The following PCM1 variants were observed in gnomAD, a reference collection of about 807,000 sequenced individuals.
The protein encoded by PCM1 is pericentriolar material 1.
Under a neutral mutation model 241.9 loss-of-function variants are expected in PCM1, and 157 were observed. That is an observed-to-expected ratio of 0.65 (90% CI 0.57 to 0.74). The LOEUF (loss-of-function observed/expected upper bound fraction) is 0.74, where lower values mean the gene tolerates loss of function less well. PCM1 is among the 30% of genes least tolerant of loss of function. The pLI is 0.00. For missense variants in PCM1, 3,478 were observed against 2,360.1 expected (o/e 1.47, Z -9.81); for synonymous variants, 1,085 against 784.9 (o/e 1.38, Z -6.39).
rs2092941969 is a variant in PCM1 at position 18,014,589 on chromosome 8, C to G, written c.5590C>G (p.Gln1864Glu). 1 of 1,596,620 alleles carries G rather than the reference C, an allele frequency of 6.3e-7. No individual in the cohort carries two copies. The highest frequency in any genetic ancestry group is 1.3e-5 in the African/African-American group (1 of 74,392). Reference protein sequence around the residue: ...LEREATSKNDQNNCPVKPCYL... With the variant: ...LEREATSKNDENNCPVKPCYL... ...AGACTTTCTTTTGATGACAGATGAC[C>G]AAAATAACTGTCCTGTGAAACCCTG... The change falls in exon 36 of 39, where the codon CAA becomes GAA. Residue 1864 changes from glutamine (Q) to glutamate (E), a missense_variant. Coordinates refer to ENST00000325083, the MANE Select transcript of PCM1 (RefSeq NM_006197.4).
rs1335934526 is a variant in PCM1 at position 17,957,375 on chromosome 8, C to T, written c.1758C>T (p.Asn586=). The change falls in exon 12 of 39, where the codon AAC becomes AAT. Residue 586 remains asparagine, a synonymous_variant. Coordinates refer to ENST00000325083, the MANE Select transcript of PCM1 (RefSeq NM_006197.4). ...RTVNSNCEIN[N]RSAANIRALN... ...TTAATTCTAATTGTGAAATTAACAA[C>T]AGATCTGCTGCCAACATAAGGGCTC... The T allele has an allele frequency of 2.5e-6, 4 of 1,612,168 alleles. No homozygotes were observed. In the South Asian group the frequency reaches 4.4e-5, roughly 18 times the overall value.
chr8:17,957,216 C>G (rs766779013), intron 11 of PCM1, 48 bp from the exon 12 acceptor site: 2 of 1,474,920 alleles, frequency 1.4e-6, no homozygotes, highest in Admixed American at 2.3e-5. Flanking sequence ...ATTTCTTTCT[C>G]TCTTTTTTTG....
chr8:17,937,196 T>C lies in PCM1; in HGVS notation c.159T>C (p.Gly53=), dbSNP rs776190880. ...RSSEKNKKKF[G]VESDKRVTND... Reference sequence around the variant, plus strand: ...CAGAAAAGAATAAGAAAAAGTTTGGTGTAGAAAGTGATAAAAGAGTAACCA... The same window carrying C: ...CAGAAAAGAATAAGAAAAAGTTTGGCGTAGAAAGTGATAAAAGAGTAACCA... The change falls in exon 4 of 39, where the codon GGT becomes GGC. Residue 53 remains glycine, a synonymous_variant. Coordinates refer to ENST00000325083, the MANE Select transcript of PCM1 (RefSeq NM_006197.4). 1 of 1,597,892 alleles carries C rather than the reference T, an allele frequency of 6.3e-7. No individual in the cohort carries two copies. The highest frequency in any genetic ancestry group is 1.3e-5 in the African/African-American group (1 of 74,636).
intron 36 of PCM1, among the ~76,000 whole-genome samples, chr8:18,018,339 G>A (rs1350479139): frequency 6.6e-6 from 1 of 152,160 alleles, no homozygotes; most frequent in East Asian, 1.9e-4. Context: ...AGATGTTTGT[G>A]GGCTTGTTTC....
chr8:18,017,746 A>G (rs1347065553), intron 36 of PCM1, among the ~76,000 whole-genome samples: 1 of 152,166 alleles, frequency 6.6e-6, no homozygotes, highest in Non-Finnish European at 1.5e-5. Context: ...CCAGCTACAC[A>G]GGAGGCTGAG....
Position 17,972,606 on chromosome 8 carries a change from C to G in PCM1, c.3862C>G (p.Leu1288Val), listed in dbSNP as rs2077211275. Reference protein sequence around the residue: ...KTRKASAQASLASKDKTPKSK... With the variant: ...KTRKASAQASVASKDKTPKSK... ...AAGAAAAGCGTCTGCACAGGCCAGC[C>G]TGGCATCTAAAGATAAAACTCCCAA... is the stretch of plus-strand genomic sequence containing the variant. The change falls in exon 23 of 39, where the codon CTG (leucine) becomes GTG (valine). Residue 1288 changes from leucine to valine, a missense_variant. Transcript: ENST00000325083. The G allele has an allele frequency of 6.3e-7, 1 of 1,595,416 alleles. No homozygotes were observed. The highest frequency in any genetic ancestry group is 8.5e-7 in the Non-Finnish European group (1 of 1,174,164).
At chr8:17,943,841 C>A (rs890306978) in intron 6 of PCM1, among the ~76,000 whole-genome samples, 3 of 152,068 alleles carry the variant, frequency 2.0e-5, no homozygotes, top group African/African-American at 7.2e-5. Flanking sequence ...ATGTAGTATT[C>A]TGTTAGAATA....
Position 17,923,188 on chromosome 8 carries a change from G to C in PCM1, c.-91G>C, listed in dbSNP as rs1383963217. ...GACAGGAGAGGCTGCTTCTTGTAGA[G>C]GTAATGCCTGCGCGTCCCCAGCCCT... On this transcript the variant is annotated splice_region_variant and 5_prime_UTR_variant, in exon 1 of 39. Transcript: ENST00000325083. 2.0e-5 allele frequency: 3 copies of C among 152,392 alleles called. No individual in the cohort carries two copies. The highest frequency in any genetic ancestry group is 7.2e-5 in the African/African-American group (3 of 41,452). The allele number at this position is 152,392 out of a possible 1,614,324, so 9.4% of individuals were successfully genotyped here.
At chr8:17,933,958 C>T (rs2059731473) in intron 2 of PCM1, among the ~76,000 whole-genome samples, 2 of 151,768 alleles carry the variant, frequency 1.3e-5, no homozygotes, top group South Asian at 2.1e-4. Context: ...AATATATGCT[C>T]ATTAAAAAAA....
chr8:18,025,480 G>A, intron 37 of PCM1, 27 bp downstream of exon 37: 1 of 1,523,988 alleles, frequency 6.6e-7, no homozygotes, highest in Non-Finnish European at 9.0e-7. Context: ...AATTAAACTT[G>A]TCTTTACATA....
At position 17,972,520 on chromosome 8, in the gene PCM1, A is replaced by C; in HGVS notation, c.3776A>C (p.Glu1259Ala). 2 of 1,613,962 alleles carry C rather than the reference A, an allele frequency of 1.2e-6. No individual in the cohort carries two copies. Among genetic ancestry groups the C allele is most frequent in the South Asian group, 2.2e-5 (2 of 91,080 alleles). Reference sequence around the variant, plus strand: ...CGCCAGTTTGATGAAGAATCACTGGAAAGCTTTAGCAGTATGCCTGATCCA... The same window carrying C: ...CGCCAGTTTGATGAAGAATCACTGGCAAGCTTTAGCAGTATGCCTGATCCA... ...RRRQFDEESL[E>A]SFSSMPDPVD... The change falls in exon 23 of 39, where the codon GAA (glutamate) becomes GCA (alanine). Residue 1259 changes from glutamate (E) to alanine (A), a missense_variant. Coordinates refer to ENST00000325083, the MANE Select transcript of PCM1 (RefSeq NM_006197.4).
intron 23 of PCM1, among the ~76,000 whole-genome samples, chr8:17,975,279 T>A (rs974197387): frequency 6.6e-6 from 1 of 152,162 alleles, no homozygotes; most frequent in African/African-American, 2.4e-5. Context: ...TTCTCCTGTC[T>A]CATCCTCCCG....
intron 28 of PCM1, 82 bp from the exon 29 acceptor site, chr8:17,993,401 A>G: frequency 1.1e-6 from 1 of 924,196 alleles, no homozygotes; most frequent in Non-Finnish European, 1.5e-6. Flanking sequence ...CAAATTTAAT[A>G]TTTTTCAAAT....
At chr8:17,968,687 T>C (rs6989255) in intron 21 of PCM1, among the ~76,000 whole-genome samples, 32,941 of 150,990 alleles carry the variant, frequency 0.22, 4,339 homozygotes, top group East Asian at 0.38. Flanking sequence ...ATACATATAT[T>C]ACAGTGTTAT....
intron 38 of PCM1, among the ~76,000 whole-genome samples, chr8:18,027,335 T>G (rs868628204): frequency 3.1e-4 from 47 of 152,244 alleles, no homozygotes; most frequent in African/African-American, 8.2e-4. Flanking sequence ...TCCCCTCTTC[T>G]GTTTTCTCAC....
chr8:18,013,647 C>T (rs1377180244), intron 34 of PCM1, among the ~76,000 whole-genome samples: 5 of 152,128 alleles, frequency 3.3e-5, no homozygotes, highest in African/African-American at 7.2e-5. Context: ...TCATCTTCCT[C>T]TCGTCACTTC....
In PCM1 at chr8:17,991,304, G is replaced by C. The variant is rs566402245; in HGVS notation, c.4532-238G>C. On this transcript the variant is annotated intron_variant, in intron 27 of 38. Transcript: ENST00000325083. Reference sequence around the variant, plus strand: ...TACATTGAACTGTCTGTGAAAGCTTGAGCAAGTTACTTAAATTTTCTGCAA... The same window carrying C: ...TACATTGAACTGTCTGTGAAAGCTTCAGCAAGTTACTTAAATTTTCTGCAA... Among the ~76,000 whole-genome samples the C allele has an allele frequency of 8.5e-5, 13 of 152,194 alleles. No individual in the cohort carries two copies. In the East Asian group the frequency reaches 2.5e-3, roughly 29 times the overall value.
At chr8:17,955,352 T>C (rs934213303) in intron 9 of PCM1, 118 bp from the exon 10 acceptor site, 19 of 647,594 alleles carry the variant, frequency 2.9e-5, no homozygotes, top group African/African-American at 2.0e-4. Context: ...AATTTAAATC[T>C]GCAGAAATTA....
chr8:17,929,266 A>C (rs543464150), intron 2 of PCM1, among the ~76,000 whole-genome samples: 1 of 152,222 alleles, frequency 6.6e-6, no homozygotes, highest in Non-Finnish European at 1.5e-5. Flanking sequence ...CCCTTTTGGC[A>C]GGCTCTCCTG....
Sources: gnomAD v4.1 joint callset for allele counts (sites outside exome capture counted in the v4.1 genomes callset) on GRCh38, gnomAD v4.1.1 for gene constraint, MANE v1.5 for transcripts, NCBI Gene and HGNC (gene_info 2026-07-23, HGNC 2026-07-21) for gene names.